Variants in DBNL observed in about 807,000 individuals in gnomAD.
The protein encoded by DBNL is drebrin like, also known as drebrin-like protein.
In DBNL, 35 loss-of-function variants were observed where a neutral mutation model predicts 62.2. The ratio of observed to expected loss-of-function variants is 0.56; its 90% CI spans 0.43 to 0.75. The LOEUF (loss-of-function observed/expected upper bound fraction) is 0.75. DBNL is among the 30% of genes least tolerant of loss of function. The pLI, the probability that DBNL is intolerant of heterozygous loss-of-function variation, is 0.00. For missense variants in DBNL, 495 were observed against 578.4 expected, an observed-to-expected ratio of 0.86 and a Z score of 1.48; for synonymous variants, 197 against 218.0, an observed-to-expected ratio of 0.90 and a Z score of 0.85.
chr7:44,063,476 T>C lies in DBNL; in HGVS notation c.*2560T>C, dbSNP rs6463217. 51,788 of 184,720 alleles carry C rather than the reference T, an allele frequency of 0.28. 8,032 individuals carry two copies. Among genetic ancestry groups the C allele is most frequent in the African/African-American group, 0.42 (17,767 of 41,958 alleles). 11.4% of individuals were successfully genotyped at this position (184,720 alleles called of 1,614,324 possible). On this transcript the variant is annotated 3_prime_UTR_variant, in exon 13 of 13. Coordinates refer to ENST00000448521, the MANE Select transcript of DBNL (RefSeq NM_001014436.3). Reference sequence around the variant, plus strand: ...TTGTATTTTTAGTAGAAACGGGTTTTACCATGTTGGTCAGGCTGGTCTCAA... The same window carrying C: ...TTGTATTTTTAGTAGAAACGGGTTTCACCATGTTGGTCAGGCTGGTCTCAA...
Position 44,050,498 on chromosome 7 carries a change from T to C in DBNL, c.139+218T>C, listed in dbSNP as rs554430855. Reference sequence around the variant, plus strand: ...TGCAGGGGAGTGCTTTCTCTTTGTCTACTTGGGGAGAGCTGAGAGGGAAAC... The same window carrying C: ...TGCAGGGGAGTGCTTTCTCTTTGTCCACTTGGGGAGAGCTGAGAGGGAAAC... On this transcript the variant is annotated intron_variant, in intron 2 of 12. Coordinates refer to ENST00000448521, the MANE Select transcript of DBNL (RefSeq NM_001014436.3). 741 of 459,792 alleles carry C rather than the reference T, an allele frequency of 1.6e-3. 3 individuals are homozygous for C. Among genetic ancestry groups the C allele is most frequent in the Non-Finnish European group, 2.4e-3 (601 of 246,358 alleles). 28.5% of individuals were successfully genotyped at this position (459,792 alleles called of 1,614,324 possible).
In DBNL at chr7:44,064,550, G is replaced by C; in HGVS notation, c.*3634G>C. 2.0e-6 allele frequency: 1 copy of C among 494,608 alleles called. No homozygotes were observed. The highest frequency in any genetic ancestry group is 2.1e-5 in the South Asian group (1 of 47,824). 30.6% of individuals were successfully genotyped at this position (494,608 alleles called of 1,614,324 possible). On this transcript the variant is annotated 3_prime_UTR_variant, in exon 13 of 13. Coordinates refer to ENST00000448521, the MANE Select transcript of DBNL (RefSeq NM_001014436.3). ...CTAAGCCCAGCCCTTCCGTTTCCTA[G>C]CTGGGTGTCCCTTGGCAGATGCCAC...
At chr7:44,048,069 AC>A (rs1397810837) in intron 1 of DBNL, among the ~76,000 whole-genome samples, 11 of 152,028 alleles carry the variant, frequency 7.2e-5, no homozygotes, top group African/African-American at 2.7e-4. Flanking sequence ...GGCACCCACC[AC>A]CACACCCAGC....
Position 44,064,581 on chromosome 7 carries a change from G to C in DBNL, c.*3665G>C, listed in dbSNP as rs1002477505. ...TGTCCCTTGGCAGATGCCACCTTTG[G>C]AGCCTGCCCCACCTCGGGACACAGC... is the stretch of plus-strand genomic sequence containing the variant. On this transcript the variant is annotated 3_prime_UTR_variant, in exon 13 of 13. Coordinates refer to ENST00000448521, the MANE Select transcript of DBNL (RefSeq NM_001014436.3). 3 of 546,320 alleles carry C rather than the reference G, an allele frequency of 5.5e-6. No homozygotes were observed. The highest frequency in any genetic ancestry group is 9.9e-6 in the Non-Finnish European group (3 of 303,076). The allele number at this position is 546,320 out of a possible 1,614,324, so 33.8% of individuals were successfully genotyped here. A position where few individuals can be genotyped will look rare whatever the true frequency, so the allele number is the denominator to read the frequency against.
chr7:44,064,799 C>CCCCCCAGCCCACGCTCCAGGAGGTGGGCT lies in DBNL; in HGVS notation c.*3884_*3885insCCCCAGCCCACGCTCCAGGAGGTGGGCTC. The CCCCCCAGCCCACGCTCCAGGAGGTGGGCT allele has an allele frequency of 8.2e-7, 1 of 1,212,908 alleles. No homozygotes were observed. The highest frequency in any genetic ancestry group is 1.2e-6 in the Non-Finnish European group (1 of 841,502). 75.1% of individuals were successfully genotyped at this position (1,212,908 alleles called of 1,614,324 possible). A position where few individuals can be genotyped will look rare whatever the true frequency, so the allele number is the denominator to read the frequency against. On this transcript the variant is annotated 3_prime_UTR_variant, in exon 13 of 13. Coordinates refer to ENST00000448521, the MANE Select transcript of DBNL (RefSeq NM_001014436.3). ...GAAGCCAGCTGGGGCTGCTGCCCAC[C>CCCCCCAGCCCACGCTCCAGGAGGTGGGCT]CACCCTGCCCAGGCTCCTGAAGGTG...
chr7:44,050,582 C>T (rs554859260), intron 2 of DBNL: 6 of 313,388 alleles, frequency 1.9e-5, no homozygotes, highest in Non-Finnish European at 3.7e-5. Context: ...GCTCACCAGT[C>T]CCAGAACTGG....
At position 44,064,961 on chromosome 7, in the gene DBNL, G is replaced by T; in HGVS notation, c.*4045G>T. The T allele has an allele frequency of 6.2e-7, 1 of 1,608,202 alleles. No individual in the cohort carries two copies. Among genetic ancestry groups the T allele is most frequent in the African/African-American group, 1.3e-5 (1 of 75,062 alleles). On this transcript the variant is annotated 3_prime_UTR_variant, in exon 13 of 13. Transcript: ENST00000448521. Reference sequence around the variant, plus strand: ...AGGGCCCGGGCAATGGTGTCCTTGAGGCTCTCGCAGGTGGGGAGTTCCCCG... The same window carrying T: ...AGGGCCCGGGCAATGGTGTCCTTGATGCTCTCGCAGGTGGGGAGTTCCCCG...
At chr7:44,050,152 G>A in intron 1 of DBNL, 73 bp from the exon 2 acceptor site, 1 of 1,545,142 alleles carries the variant, frequency 6.5e-7, no homozygotes, top group South Asian at 1.1e-5. Flanking sequence ...GTAGTGGAAA[G>A]TCATGGTGGA....
Position 44,067,188 on chromosome 7 carries a change from T to A in DBNL, c.*6272T>A, listed in dbSNP as rs1328060427. On this transcript the variant is annotated 3_prime_UTR_variant, in exon 13 of 13. Transcript: ENST00000448521. ...AGTCCTACAGGGAGAGCAATTCAGGTAGAGGGGTTGGCAAAGACCCAAGCC... is the reference window on the plus strand; with the variant it reads ...AGTCCTACAGGGAGAGCAATTCAGGAAGAGGGGTTGGCAAAGACCCAAGCC... 1.3e-5 allele frequency: 2 copies of A among 152,044 alleles called. No individual in the cohort carries two copies. Among genetic ancestry groups the A allele is most frequent in the Admixed American group, 1.3e-4 (2 of 15,262 alleles). The allele number at this position is 152,044 out of a possible 1,614,324, so 9.4% of individuals were successfully genotyped here.
chr7:44,065,060 C>T lies in DBNL; in HGVS notation c.*4144C>T, dbSNP rs781501546. Reference sequence around the variant, plus strand: ...TTTCCCTCCCAAGCCAGTGGGCCCCCACCCGACTCCCCACTCTGCAGCTTC... The same window carrying T: ...TTTCCCTCCCAAGCCAGTGGGCCCCTACCCGACTCCCCACTCTGCAGCTTC... On this transcript the variant is annotated 3_prime_UTR_variant, in exon 13 of 13. Transcript: ENST00000448521. 5.6e-6 allele frequency: 9 copies of T among 1,610,308 alleles called. No individual in the cohort carries two copies. Among genetic ancestry groups the T allele is most frequent in the East Asian group, 2.2e-5 (1 of 44,882 alleles).
rs985176683 is a variant in DBNL at position 44,065,124 on chromosome 7, T to C, written c.*4208T>C. Reference sequence around the variant, plus strand: ...CAGCAAAGGCAGCCCACCTTGCTAATGGAGTTGTAGTAGGGGTGCTTCTCG... The same window carrying C: ...CAGCAAAGGCAGCCCACCTTGCTAACGGAGTTGTAGTAGGGGTGCTTCTCG... On this transcript the variant is annotated 3_prime_UTR_variant, in exon 13 of 13. Transcript: ENST00000448521. The C allele has an allele frequency of 3.6e-5, 58 of 1,613,828 alleles. No homozygotes were observed. The highest frequency in any genetic ancestry group is 4.9e-5 in the Non-Finnish European group (58 of 1,180,026).
At position 44,064,809 on chromosome 7, in the gene DBNL, C is replaced by A; in HGVS notation, c.*3893C>A. On this transcript the variant is annotated 3_prime_UTR_variant, in exon 13 of 13. Coordinates refer to ENST00000448521, the MANE Select transcript of DBNL (RefSeq NM_001014436.3). ...GGGGCTGCTGCCCACCCACCCTGCC[C>A]AGGCTCCTGAAGGTGGCCTCACCTT... The A allele has an allele frequency of 6.4e-7, 1 of 1,556,854 alleles. No individual in the cohort carries two copies. Among genetic ancestry groups the A allele is most frequent in the Non-Finnish European group, 8.7e-7 (1 of 1,145,052 alleles).
chr7:44,059,612 A>G lies in DBNL; in HGVS notation c.1001A>G (p.Tyr334Cys). 1.2e-6 allele frequency: 2 copies of G among 1,610,686 alleles called. No individual in the cohort carries two copies. The highest frequency in any genetic ancestry group is 2.2e-5 in the South Asian group (2 of 90,946). Residue 334 changes from tyrosine to cysteine, a missense_variant, in exon 11 of 13, where the codon TAT becomes TGT. Coordinates refer to ENST00000448521, the MANE Select transcript of DBNL (RefSeq NM_001014436.3). This position sits in a 1 kb window ranked among gnomAD's most constrained non-coding sequence, Gnocchi z 4.1. Reference protein sequence around the residue: ...CLVQAEEEAVYEEPPEQETFY... With the variant: ...CLVQAEEEAVCEEPPEQETFY... ...GTGCAGGCAGAAGAGGAGGCTGTGT[A>G]TGAGGAACCTCCAGAGCAGGAGACC...
Position 44,067,542 on chromosome 7 carries a change from C to T in DBNL, c.*6626C>T, listed in dbSNP as rs1726667412. 1 of 152,316 alleles carries T rather than the reference C, an allele frequency of 6.6e-6. No individual in the cohort carries two copies. Among genetic ancestry groups the T allele is most frequent in the Admixed American group, 6.5e-5 (1 of 15,306 alleles). 9.4% of individuals were successfully genotyped at this position (152,316 alleles called of 1,614,324 possible). On this transcript the variant is annotated 3_prime_UTR_variant, in exon 13 of 13. Coordinates refer to ENST00000448521, the MANE Select transcript of DBNL (RefSeq NM_001014436.3). ...AGGGCTGGACTTCGGGGAAGCAAGCCCCTGCTTCTGACCCTTGGCTCCGGC... is the reference window on the plus strand; with the variant it reads ...AGGGCTGGACTTCGGGGAAGCAAGCTCCTGCTTCTGACCCTTGGCTCCGGC...
chr7:44,061,268 GCATTT>G lies in DBNL; in HGVS notation c.*353_*357del. The G allele has an allele frequency of 3.9e-6, 1 of 257,648 alleles. No individual in the cohort carries two copies. Among genetic ancestry groups the G allele is most frequent in the Admixed American group, 4.9e-5 (1 of 20,246 alleles). 16.0% of individuals were successfully genotyped at this position (257,648 alleles called of 1,614,324 possible). Reference sequence around the variant, plus strand: ...ATCTGGGAGGCTCTGGCTGCCTTCTGCATTTATTTGCCTTTTTTCTTTTTCTCTTG... The same window carrying G: ...ATCTGGGAGGCTCTGGCTGCCTTCTGATTTGCCTTTTTTCTTTTTCTCTTG... On this transcript the variant is annotated 3_prime_UTR_variant, in exon 13 of 13. Transcript: ENST00000448521.
chr7:44,055,695 C>T (rs2096135016), intron 4 of DBNL, among the ~76,000 whole-genome samples: 1 of 152,124 alleles, frequency 6.6e-6, no homozygotes, highest in Non-Finnish European at 1.5e-5. Flanking sequence ...TGTAGTTAGC[C>T]ATGCGTATAT....
chr7:44,047,289 G>A (rs17135831), intron 1 of DBNL, among the ~76,000 whole-genome samples: 23,916 of 152,188 alleles, frequency 0.16, 1,968 homozygotes, highest in Admixed American at 0.2. Flanking sequence ...GATGAAGGAT[G>A]GACCAAGTCA....
Position 44,064,815 on chromosome 7 carries a change from C to T in DBNL, c.*3899C>T, listed in dbSNP as rs537306409. ...GCTGCCCACCCACCCTGCCCAGGCTCCTGAAGGTGGCCTCACCTTCCAGGT... is the reference window on the plus strand; with the variant it reads ...GCTGCCCACCCACCCTGCCCAGGCTTCTGAAGGTGGCCTCACCTTCCAGGT... On this transcript the variant is annotated 3_prime_UTR_variant, in exon 13 of 13. Transcript: ENST00000448521. The T allele has an allele frequency of 2.3e-6, 3 of 1,316,442 alleles. No individual in the cohort carries two copies. The highest frequency in any genetic ancestry group is 2.9e-5 in the East Asian group (1 of 34,672). 81.5% of individuals were successfully genotyped at this position (1,316,442 alleles called of 1,614,324 possible).
chr7:44,064,797 A>AGCCCCCGGAACCTGAAGGGGG lies in DBNL; in HGVS notation c.*3881_*3882insGCCCCCGGAACCTGAAGGGGG. On this transcript the variant is annotated 3_prime_UTR_variant, in exon 13 of 13. Transcript: ENST00000448521. ...GAGAAGCCAGCTGGGGCTGCTGCCCACCCACCCTGCCCAGGCTCCTGAAGG... is the reference window on the plus strand; with the variant it reads ...GAGAAGCCAGCTGGGGCTGCTGCCCAGCCCCCGGAACCTGAAGGGGGCCCACCCTGCCCAGGCTCCTGAAGG... 1 of 633,308 alleles carries AGCCCCCGGAACCTGAAGGGGG rather than the reference A, an allele frequency of 1.6e-6. No individual in the cohort carries two copies. Among genetic ancestry groups the AGCCCCCGGAACCTGAAGGGGG allele is most frequent in the Non-Finnish European group, 2.8e-6 (1 of 361,386 alleles). The allele number at this position is 633,308 out of a possible 1,614,324, so 39.2% of individuals were successfully genotyped here.
Sources: gnomAD v4.1 joint callset for allele counts (sites outside exome capture counted in the v4.1 genomes callset) on GRCh38, gnomAD v4.1.1 for gene constraint, Gnocchi (gnomAD v3.1) non-coding constraint, MANE v1.5 for transcripts, NCBI Gene and HGNC (gene_info 2026-07-23, HGNC 2026-07-21) for gene names.